Variants in ANO6 observed in about 807,000 individuals in gnomAD.
ANO6 encodes the protein anoctamin 6.
ANO6 carries 106 observed loss-of-function variants against 117.5 expected under a neutral mutation model. The ratio of observed to expected loss-of-function variants is 0.90; its 90% CI spans 0.77 to 1.06. The LOEUF is 1.06. Among genes scored for constraint, ANO6 ranks in the 50% least tolerant of loss-of-function variants. The pLI is 0.00. For synonymous variants in ANO6, 367 were observed against 385.1 expected (o/e 0.95, Z 0.55); for missense variants, 955 against 1,121.1 (o/e 0.85, Z 2.12).
chr12:45,315,556 G>C (rs527424063), intron 2 of ANO6, among the ~76,000 whole-genome samples: 1 of 152,046 alleles, frequency 6.6e-6, no homozygotes, highest in African/African-American at 2.4e-5. Flanking sequence ...CCTCAGAGCT[G>C]AGCCCCACTC....
chr12:45,350,379 C>A (rs1941248814), intron 6 of ANO6, among the ~76,000 whole-genome samples: 1 of 152,106 alleles, frequency 6.6e-6, no homozygotes, highest in Non-Finnish European at 1.5e-5. Flanking sequence ...CCACTTAAAG[C>A]ATTTTAAGCA....
At chr12:45,242,267 C>T (rs1302325244) in intron 1 of ANO6, among the ~76,000 whole-genome samples, 1 of 152,230 alleles carries the variant, frequency 6.6e-6, no homozygotes, top group East Asian at 1.9e-4. Flanking sequence ...TTTACCTACT[C>T]AAGCCTCAGC....
intron 11 of ANO6, among the ~76,000 whole-genome samples, chr12:45,389,288 C>G (rs114974285): frequency 2.0e-5 from 3 of 152,078 alleles, no homozygotes. Context: ...CAAATAATCC[C>G]CATTATGAAT....
chr12:45,272,304 A>T (rs1485254445), intron 1 of ANO6, among the ~76,000 whole-genome samples: 1 of 152,082 alleles, frequency 6.6e-6, no homozygotes, highest in Non-Finnish European at 1.5e-5. Context: ...GCATTCTGGA[A>T]GTGAAGAGAA....
intron 17 of ANO6, among the ~76,000 whole-genome samples, chr12:45,418,945 G>T (rs1480259225): frequency 6.6e-6 from 1 of 152,180 alleles, no homozygotes; most frequent in Non-Finnish European, 1.5e-5. Context: ...ATGTTTATAT[G>T]TGTGCTTGTG....
chr12:45,270,374 G>T, intron 1 of ANO6: 1 of 1,407,412 alleles, frequency 7.1e-7, no homozygotes, highest in Non-Finnish European at 9.2e-7. Flanking sequence ...ACAGAGGCAG[G>T]TCTGATGCCG....
intron 19 of ANO6, among the ~76,000 whole-genome samples, chr12:45,425,187 A>T (rs1592053307): frequency 2.0e-5 from 3 of 152,212 alleles, no homozygotes; most frequent in Admixed American, 1.3e-4. Flanking sequence ...ATGGAAAAAA[A>T]CATGGATTAA....
At chr12:45,245,867 T>C (rs1947817135) in intron 1 of ANO6, among the ~76,000 whole-genome samples, 1 of 151,860 alleles carries the variant, frequency 6.6e-6, no homozygotes, top group Admixed American at 6.6e-5. Flanking sequence ...TTACTATGTC[T>C]ATAGAATGAA....
intron 1 of ANO6, among the ~76,000 whole-genome samples, chr12:45,258,160 A>C (rs955874143): frequency 1.3e-5 from 2 of 152,192 alleles, no homozygotes; most frequent in Non-Finnish European, 2.9e-5. Context: ...TTGTCCTCCT[A>C]AAAATGAATT....
chr12:45,437,809 A>G (rs1021873084), intron 19 of ANO6, among the ~76,000 whole-genome samples: 1 of 152,098 alleles, frequency 6.6e-6, no homozygotes, highest in South Asian at 2.1e-4. Flanking sequence ...AGCTCAGACA[A>G]TCCACCCACC....
chr12:45,254,107 C>T (rs1439907305), intron 1 of ANO6, among the ~76,000 whole-genome samples: 1 of 152,144 alleles, frequency 6.6e-6, no homozygotes, highest in Non-Finnish European at 1.5e-5. Context: ...GCGGAGGTTG[C>T]AGTGAGCCGA....
chr12:45,319,708 G>T (rs1050714279), intron 2 of ANO6, among the ~76,000 whole-genome samples: 2 of 152,176 alleles, frequency 1.3e-5, no homozygotes, highest in Non-Finnish European at 2.9e-5. Context: ...GTTCCTCCTT[G>T]TACCTCTGGT....
At position 45,431,574 on chromosome 12, in the gene ANO6, A is replaced by G; in HGVS notation, c.*2263A>G. The stretch of plus-strand genomic sequence containing the variant: ...TACATATTGAAAGGCACCAAATGTA[A>G]TATCTGACACTGTTAAGATGCCCAA... On this transcript the variant is annotated 3_prime_UTR_variant, in exon 20 of 20. Coordinates refer to ENST00000320560, the MANE Select transcript of ANO6 (RefSeq NM_001025356.3). 1.0e-6 allele frequency: 1 copy of G among 985,460 alleles called. No homozygotes were observed. Among genetic ancestry groups the G allele is most frequent in the Non-Finnish European group, 1.2e-6 (1 of 829,936 alleles). 61.0% of individuals were successfully genotyped at this position (985,460 alleles called of 1,614,324 possible).
intron 1 of ANO6, among the ~76,000 whole-genome samples, chr12:45,229,213 C>A (rs1947535084): frequency 1.3e-5 from 2 of 152,112 alleles, no homozygotes; most frequent in African/African-American, 2.4e-5. Flanking sequence ...ATATAGATAG[C>A]CTCACCTTAA....
chr12:45,368,158 T>C (rs999317342), intron 9 of ANO6, among the ~76,000 whole-genome samples: 9 of 152,186 alleles, frequency 5.9e-5, no homozygotes, highest in Admixed American at 2.0e-4. Flanking sequence ...GGATCCAAGG[T>C]GTTTTGAATT....
chr12:45,265,202 A>G (rs1938174891), intron 1 of ANO6, among the ~76,000 whole-genome samples: 1 of 152,144 alleles, frequency 6.6e-6, no homozygotes, highest in African/African-American at 2.4e-5. Flanking sequence ...AGCAACGTAA[A>G]GTTGATTTTG....
chr12:45,287,531 A>C (rs187694463), intron 1 of ANO6, among the ~76,000 whole-genome samples: 1 of 152,338 alleles, frequency 6.6e-6, no homozygotes, highest in Non-Finnish European at 1.5e-5. Context: ...TGTATTATCC[A>C]TAGAAGCCCT....
rs138322167 is a variant in ANO6, at chr12:45,378,198, G to T, written c.1165+85G>T. On this transcript the variant is annotated intron_variant, in intron 10 of 19. Coordinates refer to ENST00000320560, the MANE Select transcript of ANO6 (RefSeq NM_001025356.3). Reference sequence around the variant, plus strand: ...GGCTATCAAAGTAACCCACTTTTAGGATCTTGTATTGCCCAGGCTTCAACT... The same window carrying T: ...GGCTATCAAAGTAACCCACTTTTAGTATCTTGTATTGCCCAGGCTTCAACT... The T allele has an allele frequency of 8.7e-4, 1,173 of 1,346,878 alleles. 6 individuals carry two copies. The African/African-American group carries it at 0.015, about 18-fold the overall frequency. 83.4% of individuals were successfully genotyped at this position (1,346,878 alleles called of 1,614,324 possible).
chr12:45,363,837 T>C (rs1288660225), intron 8 of ANO6, among the ~76,000 whole-genome samples: 1 of 152,224 alleles, frequency 6.6e-6, no homozygotes, highest in Non-Finnish European at 1.5e-5. Flanking sequence ...TGCCTCCATA[T>C]AAGACATGCC....
Sources: allele counts gnomAD v4.1 joint callset (sites outside exome capture counted in the v4.1 genomes callset), GRCh38; gene constraint gnomAD v4.1.1; transcripts MANE v1.5; gene names NCBI Gene and HGNC (gene_info 2026-07-23, HGNC 2026-07-21).